The following TMEFF1 variants were observed in gnomAD, a reference collection of about 807,000 sequenced individuals.
TMEFF1 encodes tomoregulin-1.
A neutral mutation model predicts 47.5 loss-of-function variants in TMEFF1; 20 were observed. The observed-to-expected ratio is 0.42, with a 90% CI of 0.30 to 0.61. TMEFF1 has a LOEUF of 0.61. Among genes scored for constraint, TMEFF1 ranks in the 20% least tolerant of loss-of-function variants. TMEFF1 has a pLI of 0.19. For missense variants in TMEFF1, 411 were observed against 471.1 expected, an observed-to-expected ratio of 0.87 and a Z score of 1.18; for synonymous variants, 162 against 166.3, an observed-to-expected ratio of 0.97 and a Z score of 0.20.
chr9:100,529,878 A>C (rs1300914755), intron 5 of TMEFF1, among the ~76,000 whole-genome samples: 1 of 152,210 alleles, frequency 6.6e-6, no homozygotes. Flanking sequence ...AAGAACAGAA[A>C]TTATAACAAA....
chr9:100,559,202 T>C (rs534317362), intron 7 of TMEFF1, among the ~76,000 whole-genome samples: 2 of 152,326 alleles, frequency 1.3e-5, no homozygotes, highest in South Asian at 4.1e-4. Flanking sequence ...GTGAGTGTTA[T>C]AATAGAGGAG....
chr9:100,547,899 T>C lies in TMEFF1; in HGVS notation c.709+7T>C. On this transcript the variant is annotated splice_region_variant and intron_variant, in intron 6 of 9. Transcript: ENST00000374879. ...CATCTTGGTCATTGCACAGGTAAAA[T>C]CCATTTTATTTATTCAGAGACCCAT... 1 of 1,572,900 alleles carries C rather than the reference T, an allele frequency of 6.4e-7. No homozygotes were observed. The highest frequency in any genetic ancestry group is 1.2e-5 in the South Asian group (1 of 83,306).
Position 100,527,074 on chromosome 9 carries a change from C to T in TMEFF1, c.560+10303C>T, listed in dbSNP as rs141839537. Reference sequence around the variant, plus strand: ...ACAAGAATCTCTCAAACCCGAGAGGCGGAGGTTGCAGTGAGCCAAAATCGC... The same window carrying T: ...ACAAGAATCTCTCAAACCCGAGAGGTGGAGGTTGCAGTGAGCCAAAATCGC... On this transcript the variant is annotated intron_variant, in intron 5 of 9. Coordinates refer to ENST00000374879, the MANE Select transcript of TMEFF1 (RefSeq NM_003692.5). Among the ~76,000 whole-genome samples the T allele has an allele frequency of 9.6e-3, 1,449 of 150,328 alleles. 11 individuals carry two copies. Among genetic ancestry groups the T allele is most frequent in the Non-Finnish European group, 0.018 (1,186 of 67,748 alleles).
At chr9:100,553,469 T>C (rs1385595598) in intron 7 of TMEFF1, among the ~76,000 whole-genome samples, 1 of 152,160 alleles carries the variant, frequency 6.6e-6, no homozygotes, top group African/African-American at 2.4e-5. Flanking sequence ...CTGGAAAGAT[T>C]GGAAGATAGT....
intron 5 of TMEFF1, among the ~76,000 whole-genome samples, chr9:100,532,582 G>A (rs1838408784): frequency 6.6e-6 from 1 of 151,762 alleles, no homozygotes; most frequent in Non-Finnish European, 1.5e-5. Flanking sequence ...AAAAAGTCAG[G>A]AAACAACAGG....
At chr9:100,552,124 G>T (rs1489148449) in intron 7 of TMEFF1, among the ~76,000 whole-genome samples, 1 of 152,214 alleles carries the variant, frequency 6.6e-6, no homozygotes, top group Non-Finnish European at 1.5e-5. Context: ...AAGACAGCTT[G>T]GGGCCAGATT....
chr9:100,533,401 A>G (rs916579619), intron 5 of TMEFF1, among the ~76,000 whole-genome samples: 4 of 152,134 alleles, frequency 2.6e-5, no homozygotes, highest in Admixed American at 6.5e-5. Flanking sequence ...TAGAGTTTCA[A>G]ACTTGCTGGC....
At chr9:100,541,495 T>A (rs2118490232) in intron 5 of TMEFF1, among the ~76,000 whole-genome samples, 1 of 151,868 alleles carries the variant, frequency 6.6e-6, no homozygotes, top group East Asian at 1.9e-4. Context: ...TGCCTCAGCT[T>A]CCCAAGTAGC....
intron 2 of TMEFF1, among the ~76,000 whole-genome samples, chr9:100,501,469 G>T (rs1196028387): frequency 1.3e-5 from 2 of 151,814 alleles, no homozygotes; most frequent in East Asian, 1.9e-4. Context: ...AGTTTCTGGG[G>T]TATTTTCTTT....
chr9:100,531,214 A>C (rs1245429140), intron 5 of TMEFF1, among the ~76,000 whole-genome samples: 1 of 152,142 alleles, frequency 6.6e-6, no homozygotes, highest in East Asian at 1.9e-4. Context: ...CCTATTCAAC[A>C]TAGTGTTGGA....
rs60312984 is a variant in TMEFF1, at chr9:100,505,410, CAAAAAAAAAAAAAAA to C, written c.307-3578_307-3564del. Among the ~76,000 whole-genome samples the C allele has an allele frequency of 1.2e-3, 31 of 26,446 alleles. 1 individual carries two copies. The highest frequency in any genetic ancestry group is 2.6e-3 in the African/African-American group (16 of 6,060). 17.3% of individuals were successfully genotyped at this position (26,446 alleles called of 152,430 possible). On this transcript the variant is annotated intron_variant, in intron 2 of 9. Coordinates refer to ENST00000374879, the MANE Select transcript of TMEFF1 (RefSeq NM_003692.5). ...CTGGCGACAGACCTAGACCCTGTCT[CAAAAAAAAAAAAAAA>C]AAAAAAAAAAAAAAAACAACTAAAA...
intron 1 of TMEFF1, among the ~76,000 whole-genome samples, chr9:100,496,481 C>G (rs1837651657): frequency 6.6e-6 from 1 of 152,226 alleles, no homozygotes; most frequent in Non-Finnish European, 1.5e-5. Flanking sequence ...CTCAGGTGAT[C>G]CACCTGGCTC....
At chr9:100,530,837 A>G (rs1426371490) in intron 5 of TMEFF1, among the ~76,000 whole-genome samples, 2 of 152,100 alleles carry the variant, frequency 1.3e-5, no homozygotes, top group African/African-American at 2.4e-5. Context: ...AAAATCCTCA[A>G]TAAAATACTG....
intron 5 of TMEFF1, among the ~76,000 whole-genome samples, chr9:100,538,520 T>A (rs1054298785): frequency 6.6e-6 from 1 of 152,246 alleles, no homozygotes; most frequent in Admixed American, 6.5e-5. Context: ...TCTCTCTAAT[T>A]GCATCTGTCT....
chr9:100,477,897 G>A (rs1263537533), intron 1 of TMEFF1, among the ~76,000 whole-genome samples: 1 of 152,058 alleles, frequency 6.6e-6, no homozygotes, highest in East Asian at 1.9e-4. Context: ...AAAGTGCTAG[G>A]ATTACAGGCA....
At chr9:100,524,374 A>G (rs1838218469) in intron 5 of TMEFF1, among the ~76,000 whole-genome samples, 1 of 152,246 alleles carries the variant, frequency 6.6e-6, no homozygotes, top group Admixed American at 6.5e-5. Flanking sequence ...AGGAAAGGGC[A>G]ATAGTGCCCA....
chr9:100,503,535 AACACACACAC>A (rs66485935), intron 2 of TMEFF1, among the ~76,000 whole-genome samples: 320 of 144,018 alleles, frequency 2.2e-3, no homozygotes, highest in East Asian at 0.018. Context: ...GAGAAACAGA[AACACACACAC>A]ACACACACAC....
At chr9:100,556,470 G>T (rs879788472) in intron 7 of TMEFF1, among the ~76,000 whole-genome samples, 12 of 152,182 alleles carry the variant, frequency 7.9e-5, no homozygotes, top group Admixed American at 2.6e-4. Flanking sequence ...TTGAGTAGGG[G>T]TGGGACTGGG....
chr9:100,516,853 C>T, intron 5 of TMEFF1, 82 bp downstream of exon 5: 1 of 1,492,838 alleles, frequency 6.7e-7, no homozygotes, highest in Non-Finnish European at 8.9e-7. Flanking sequence ...TATCATTTAC[C>T]TGGTTCTGTA....
Sources: gnomAD v4.1 joint callset for allele counts (sites outside exome capture counted in the v4.1 genomes callset) on GRCh38, gnomAD v4.1.1 for gene constraint, MANE v1.5 for transcripts, NCBI Gene and HGNC (gene_info 2026-07-23, HGNC 2026-07-21) for gene names.